ZNF385D: variants seen among roughly 807,000 people sequenced by gnomAD.
ZNF385D encodes the protein zinc finger protein 385D.
Under a neutral mutation model 35.8 loss-of-function variants are expected in ZNF385D, and 15 were observed. The ratio of observed to expected loss-of-function variants is 0.42; its 90% confidence interval spans 0.28 to 0.64. The LOEUF (loss-of-function observed/expected upper bound fraction) is 0.64, where lower values mean the gene tolerates loss of function less well. Ranked by LOEUF, ZNF385D falls within the 30% of genes least tolerant of loss-of-function variation. ZNF385D has a pLI of 0.23. For missense variants in ZNF385D, 474 were observed against 494.6 expected, an observed-to-expected ratio of 0.96 and a Z score of 0.39; for synonymous variants, 212 against 186.8, an observed-to-expected ratio of 1.13 and a Z score of -1.10.
At chr3:21,801,805 G>C (rs142809444) in intron 3 of ZNF385D, among the ~76,000 whole-genome samples, 2 of 152,038 alleles carry the variant, frequency 1.3e-5, no homozygotes, top group Non-Finnish European at 2.9e-5. Context: ...TAGAGTGCCC[G>C]TCCTGACCAA....
chr3:22,270,793 A>G (rs1444699845), intron 2 of ZNF385D, among the ~76,000 whole-genome samples: 1 of 152,002 alleles, frequency 6.6e-6, no homozygotes, highest in Non-Finnish European at 1.5e-5. Context: ...TTTTAAACAT[A>G]TGTAGCTTTA....
chr3:21,485,203 T>G (rs1193206832), intron 4 of ZNF385D, among the ~76,000 whole-genome samples: 1 of 152,222 alleles, frequency 6.6e-6, no homozygotes. Context: ...ATTTCACATG[T>G]ACGTGTTTCT....
At chr3:21,809,820 A>G (rs1028027981) in intron 3 of ZNF385D, among the ~76,000 whole-genome samples, 3 of 151,824 alleles carry the variant, frequency 2.0e-5, no homozygotes, top group Non-Finnish European at 4.4e-5. Flanking sequence ...AGAGAGGTAC[A>G]AAAAACCAGA....
chr3:21,556,853 AGTG>A lies in ZNF385D; in HGVS notation c.276+7718_276+7720del, dbSNP rs556527405. 5.8e-3 allele frequency among the ~76,000 whole-genome samples: 879 copies of A among 152,294 alleles called. 5 individuals carry two copies. The highest frequency in any genetic ancestry group is 0.017 in the Middle Eastern group (5 of 294). On this transcript the variant is annotated intron_variant, in intron 3 of 7. Coordinates refer to ENST00000281523, the MANE Select transcript of ZNF385D (RefSeq NM_024697.3). ...TGTGTCCTCTCTTATTTCCTTGAGC[AGTG>A]GTTTGTAGTTATCCTTGAAAAGGTC...
intron 3 of ZNF385D, among the ~76,000 whole-genome samples, chr3:21,857,142 G>T (rs533188377): frequency 6.6e-6 from 1 of 151,970 alleles, no homozygotes; most frequent in Middle Eastern, 3.4e-3. Context: ...CGATCCTCTT[G>T]GTCTTTTTAA....
At chr3:21,620,179 TAGTC>T (rs529475177) in intron 2 of ZNF385D, among the ~76,000 whole-genome samples, 2 of 152,256 alleles carry the variant, frequency 1.3e-5, no homozygotes, top group South Asian at 2.1e-4. Context: ...ACACCAGAAA[TAGTC>T]AGCGATCTCT....
chr3:21,749,471 C>A (rs1291266095), intron 1 of ZNF385D, among the ~76,000 whole-genome samples: 2 of 152,146 alleles, frequency 1.3e-5, no homozygotes, highest in Non-Finnish European at 2.9e-5. Flanking sequence ...ATTACTGATG[C>A]TGAAATTGTA....
chr3:22,302,071 A>G (rs1702931987), intron 2 of ZNF385D, among the ~76,000 whole-genome samples: 1 of 151,936 alleles, frequency 6.6e-6, no homozygotes, highest in African/African-American at 2.4e-5. Flanking sequence ...CTCTTATGAA[A>G]TTTCTTGTGC....
At chr3:22,058,123 G>A (rs1699504689) in intron 3 of ZNF385D, among the ~76,000 whole-genome samples, 2 of 152,286 alleles carry the variant, frequency 1.3e-5, no homozygotes, top group South Asian at 4.1e-4. Context: ...TTTCATGCTG[G>A]TCCAAAGATA....
intron 3 of ZNF385D, among the ~76,000 whole-genome samples, chr3:22,083,811 A>G (rs1157864331): frequency 2.0e-5 from 3 of 152,228 alleles, no homozygotes; most frequent in Non-Finnish European, 4.4e-5. Flanking sequence ...TGAAGGAAAA[A>G]ATGTTAAGGG....
intron 3 of ZNF385D, among the ~76,000 whole-genome samples, chr3:22,112,879 G>T (rs142309682): frequency 6.6e-6 from 1 of 152,048 alleles, no homozygotes. Flanking sequence ...ACCCAGTTCA[G>T]GTCCACTTCA....
intron 2 of ZNF385D, among the ~76,000 whole-genome samples, chr3:22,226,613 C>G (rs1698571384): frequency 6.6e-6 from 1 of 152,164 alleles, no homozygotes; most frequent in Admixed American, 6.5e-5. Context: ...ACATAAAATT[C>G]ATTTGTTTAT....
At chr3:21,442,968 G>A (rs1214269834) in intron 4 of ZNF385D, among the ~76,000 whole-genome samples, 3 of 150,460 alleles carry the variant, frequency 2.0e-5, no homozygotes, top group Non-Finnish European at 4.4e-5. Flanking sequence ...AGAAAGAGTG[G>A]CTGTTTTTGT....
intron 3 of ZNF385D, among the ~76,000 whole-genome samples, chr3:21,909,124 T>G (rs1416648487): frequency 6.6e-6 from 1 of 152,068 alleles, no homozygotes; most frequent in Non-Finnish European, 1.5e-5. Context: ...GATGTTCAAT[T>G]TCTTTAAATA....
At chr3:22,178,317 G>C (rs1436037852) in intron 2 of ZNF385D, among the ~76,000 whole-genome samples, 1 of 152,140 alleles carries the variant, frequency 6.6e-6, no homozygotes, top group African/African-American at 2.4e-5. Context: ...GTTTTGATTT[G>C]CATTTCTCTG....
rs150085266 is a variant in ZNF385D, at chr3:22,080,702, G to A, written c.325+88115C>T. Among the ~76,000 whole-genome samples the A allele has an allele frequency of 1.4e-4, 22 of 152,090 alleles. 2 individuals carry two copies. The East Asian group carries it at 4.2e-3, about 29-fold the overall frequency. ...TTTTTTGTCCCCCTAAAATTCATAT[G>A]TTGAGTTCCTAATCCCCAAGATGAT... On this transcript the variant is annotated intron_variant, in intron 3 of 5. Coordinates refer to the ZNF385D transcript ENST00000494108.
chr3:21,755,667 C>T (rs80071010), upstream of ZNF385D, among the ~76,000 whole-genome samples: 367 of 152,268 alleles, frequency 2.4e-3, 4 homozygotes, highest in Middle Eastern at 0.017. Flanking sequence ...TGGGAATTTG[C>T]CTTTACTTGT....
intron 3 of ZNF385D, among the ~76,000 whole-genome samples, chr3:21,959,963 T>G (rs1702493508): frequency 6.6e-6 from 1 of 150,546 alleles, no homozygotes; most frequent in Non-Finnish European, 1.5e-5. Flanking sequence ...TAGGGGAAAT[T>G]TTTCAGAACA....
chr3:21,607,425 C>G (rs573065478), intron 2 of ZNF385D, among the ~76,000 whole-genome samples: 1 of 152,320 alleles, frequency 6.6e-6, no homozygotes, highest in Admixed American at 6.5e-5. Context: ...CAGTGTGAAT[C>G]TAGACCATTC....
Sources: gnomAD v4.1 joint callset for allele counts (sites outside exome capture counted in the v4.1 genomes callset) on GRCh38, gnomAD v4.1.1 for gene constraint, MANE v1.5 for transcripts, NCBI Gene and HGNC (gene_info 2026-07-23, HGNC 2026-07-21) for gene names.